The following RPS6KA2 variants were observed in gnomAD, a reference collection of about 807,000 sequenced individuals.
RPS6KA2 encodes ribosomal protein S6 kinase A2, also known as ribosomal protein S6 kinase alpha-2.
RPS6KA2 carries 42 observed loss-of-function variants against 91.8 expected under a neutral mutation model. The observed-to-expected ratio is 0.46, with a 90% confidence interval of 0.36 to 0.59. The LOEUF is 0.59. Ranked by LOEUF, RPS6KA2 falls within the 20% of genes least tolerant of loss-of-function variation. The pLI, the probability that RPS6KA2 is intolerant of heterozygous loss-of-function variation, is 0.00. For synonymous variants in RPS6KA2, 414 were observed against 393.6 expected (o/e 1.05, Z -0.61); for missense variants, 798 against 978.5 (o/e 0.82, Z 2.46).
At position 166,422,891 on chromosome 6, in the gene RPS6KA2, C is replaced by T. The variant is rs551106200; in HGVS notation, c.1743+365G>A. On this transcript the variant is annotated intron_variant, in intron 17 of 20. Transcript: ENST00000265678. ...CCTGCGCTATGACGGATCCATTTCC[C>T]ATCCCAGGTGAACCGCAGCTCTGCG... Among the ~76,000 whole-genome samples the T allele has an allele frequency of 2.0e-5, 3 of 152,304 alleles. No homozygotes were observed. In the South Asian group the frequency reaches 6.2e-4, roughly 32 times the overall value.
At chr6:166,702,940 T>G in intron 2 of RPS6KA2, 1 of 610,972 alleles carries the variant, frequency 1.6e-6, no homozygotes, top group Non-Finnish European at 2.9e-6. Flanking sequence ...CCTCGTCTTC[T>G]CGCCTTTAAA....
chr6:166,595,209 G>A (rs912108806), intron 1 of RPS6KA2, among the ~76,000 whole-genome samples: 3 of 152,002 alleles, frequency 2.0e-5, no homozygotes, highest in South Asian at 2.1e-4. Context: ...ATACCACCAC[G>A]TCCGGCTAAT....
intron 2 of RPS6KA2, among the ~76,000 whole-genome samples, chr6:166,844,472 A>G (rs958311799): frequency 6.6e-6 from 1 of 152,218 alleles, no homozygotes; most frequent in Non-Finnish European, 1.5e-5. Flanking sequence ...ATAGTCATCA[A>G]GTTATCTACA....
intron 10 of RPS6KA2, among the ~76,000 whole-genome samples, chr6:166,482,585 G>A (rs929100477): frequency 1.3e-5 from 2 of 152,172 alleles, no homozygotes; most frequent in East Asian, 1.9e-4. Flanking sequence ...CTCAGTTAAC[G>A]CCTAGAGGCC....
intron 2 of RPS6KA2, among the ~76,000 whole-genome samples, chr6:166,807,171 T>C (rs1779513023): frequency 1.3e-5 from 2 of 152,094 alleles, no homozygotes; most frequent in East Asian, 1.9e-4. Context: ...TAAATGTAAA[T>C]GGATTAAACT....
intron 1 of RPS6KA2, among the ~76,000 whole-genome samples, chr6:166,592,534 G>A (rs547259674): frequency 6.6e-6 from 1 of 152,262 alleles, no homozygotes; most frequent in South Asian, 2.1e-4. Context: ...CAGTGTTGGT[G>A]ACCATTCTGC....
At chr6:166,499,002 GA>G (rs1378392502) in intron 7 of RPS6KA2, among the ~76,000 whole-genome samples, 1 of 152,204 alleles carries the variant, frequency 6.6e-6, no homozygotes, top group Non-Finnish European at 1.5e-5. Context: ...AGGGCAGAGG[GA>G]CCTGGGGTGG....
chr6:166,498,103 T>C (rs1034173852), intron 8 of RPS6KA2, among the ~76,000 whole-genome samples: 13 of 152,224 alleles, frequency 8.5e-5, no homozygotes, highest in Admixed American at 3.9e-4. Context: ...ACAATTCACA[T>C]TTCCAGACGC....
At chr6:166,846,762 G>A (rs995717835) in intron 2 of RPS6KA2, among the ~76,000 whole-genome samples, 21 of 152,136 alleles carry the variant, frequency 1.4e-4, no homozygotes, top group African/African-American at 3.9e-4. Flanking sequence ...TATACTGAAC[G>A]AGGAAAAGTT....
At chr6:166,774,582 A>C (rs747684724) in intron 2 of RPS6KA2, among the ~76,000 whole-genome samples, 5 of 152,184 alleles carry the variant, frequency 3.3e-5, no homozygotes, top group Admixed American at 6.5e-5. Context: ...CCAAGCAGCC[A>C]GCCAGGGTTT....
chr6:166,745,069 C>T (rs1489354634), intron 2 of RPS6KA2, among the ~76,000 whole-genome samples: 1 of 151,562 alleles, frequency 6.6e-6, no homozygotes, highest in African/African-American at 2.4e-5. Context: ...GGGGACCTTG[C>T]TCTTTGGCTT....
At chr6:166,566,930 C>T (rs570049654) in intron 1 of RPS6KA2, among the ~76,000 whole-genome samples, 13 of 152,332 alleles carry the variant, frequency 8.5e-5, no homozygotes, top group African/African-American at 3.1e-4. Context: ...CAGGGATTTT[C>T]CCTCGGACAC....
At chr6:166,521,384 C>G (rs1471414888) in intron 3 of RPS6KA2, among the ~76,000 whole-genome samples, 2 of 152,206 alleles carry the variant, frequency 1.3e-5, no homozygotes, top group African/African-American at 2.4e-5. Flanking sequence ...AAGGCAGGAC[C>G]CCTGCTCCAG....
chr6:166,816,265 G>C (rs1779758329), intron 2 of RPS6KA2, among the ~76,000 whole-genome samples: 1 of 152,024 alleles, frequency 6.6e-6, no homozygotes. Flanking sequence ...TTGAACTATG[G>C]TCAGGTGTGG....
intron 2 of RPS6KA2, among the ~76,000 whole-genome samples, chr6:166,670,638 T>C (rs12198203): frequency 0.28 from 43,310 of 152,022 alleles, 6,238 homozygotes; most frequent in Middle Eastern, 0.34. Flanking sequence ...ATTATCCAGG[T>C]AAAGTGGGCT....
At position 166,538,554 on chromosome 6, in the gene RPS6KA2, G is replaced by A. The variant is rs192791793; in HGVS notation, c.216+114C>T. 248 of 646,782 alleles carry A rather than the reference G, an allele frequency of 3.8e-4. 1 individual carries two copies. Among genetic ancestry groups the A allele is most frequent in the African/African-American group, 3.5e-3 (199 of 56,334 alleles). The allele number at this position is 646,782 out of a possible 1,614,324, so 40.1% of individuals were successfully genotyped here. A position where few individuals can be genotyped will look rare whatever the true frequency, so the allele number is the denominator to read the frequency against. On this transcript the variant is annotated intron_variant, in intron 2 of 20. Transcript: ENST00000265678. The stretch of plus-strand genomic sequence containing the variant: ...CCGGTTCTGAACTGTCCAGGTTCCC[G>A]TGATCGCAGCCCTGCAGGTGAGGAC...
chr6:166,557,652 T>C lies in RPS6KA2; in HGVS notation c.100-18868A>G, dbSNP rs55830943. On this transcript the variant is annotated intron_variant, in intron 1 of 20. Coordinates refer to ENST00000265678, the MANE Select transcript of RPS6KA2 (RefSeq NM_021135.6). The surrounding 1 kb of genome is among the most constrained non-coding windows in gnomAD (Gnocchi z 4.8). ...AGTATTATACCACATAATAGATATA[T>C]AGAAAAGTCCAGGCAACTTACAGAA... is the stretch of plus-strand genomic sequence containing the variant. 0.052 allele frequency among the ~76,000 whole-genome samples: 7,908 copies of C among 152,254 alleles called. 697 individuals are homozygous for C. The highest frequency in any genetic ancestry group is 0.18 in the African/African-American group (7,490 of 41,496).
At chr6:166,759,605 T>C (rs1041398929) in intron 2 of RPS6KA2, among the ~76,000 whole-genome samples, 13 of 152,382 alleles carry the variant, frequency 8.5e-5, no homozygotes, top group Non-Finnish European at 1.2e-4. Flanking sequence ...TGTGAAATCA[T>C]CAGGAGCTTT....
At chr6:166,738,921 T>G (rs1029916502) in intron 2 of RPS6KA2, among the ~76,000 whole-genome samples, 3 of 152,188 alleles carry the variant, frequency 2.0e-5, no homozygotes, top group Admixed American at 2.0e-4. Flanking sequence ...AAATATGTAG[T>G]TACAGCCTAG....
Sources: gnomAD v4.1 joint callset for allele counts (sites outside exome capture counted in the v4.1 genomes callset) on GRCh38, gnomAD v4.1.1 for gene constraint, Gnocchi (gnomAD v3.1) non-coding constraint, MANE v1.5 for transcripts, NCBI Gene and HGNC (gene_info 2026-07-23, HGNC 2026-07-21) for gene names.